The following FRAS1 variants were observed in gnomAD, a reference collection of about 807,000 sequenced individuals.
FRAS1 encodes the protein extracellular matrix organizing protein FRAS1.
In FRAS1, 290 loss-of-function variants were observed where a neutral mutation model predicts 435.2. The observed-to-expected ratio is 0.67, with a 90% CI of 0.61 to 0.73. The LOEUF (loss-of-function observed/expected upper bound fraction) is 0.73, where lower values mean the gene tolerates loss of function less well. Among genes scored for constraint, FRAS1 ranks in the 30% least tolerant of loss-of-function variants. FRAS1 has a pLI of 0.00. For synonymous variants in FRAS1, 1,800 were observed against 1,851.0 expected, an observed-to-expected ratio of 0.97 and a Z score of 0.71; for missense variants, 4,860 against 5,001.5, an observed-to-expected ratio of 0.97 and a Z score of 0.85.
chr4:78,312,566 C>G (rs1487126286), intron 15 of FRAS1, among the ~76,000 whole-genome samples: 2 of 151,938 alleles, frequency 1.3e-5, no homozygotes, highest in African/African-American at 4.8e-5. Flanking sequence ...TGGCTCACAC[C>G]TATAATCCCA....
At chr4:78,430,509 C>T (rs376070341) in intron 37 of FRAS1, 92 bp downstream of exon 37, 20 of 1,336,040 alleles carry the variant, frequency 1.5e-5, no homozygotes, top group African/African-American at 8.8e-5. Flanking sequence ...GAGAGCAAAG[C>T]GTCTTTGTGA....
chr4:78,444,368 A>G (rs2867068), intron 41 of FRAS1, among the ~76,000 whole-genome samples: 108,937 of 152,048 alleles, frequency 0.72, 39,276 homozygotes, highest in Non-Finnish European at 0.74. Flanking sequence ...TAAAATTTAA[A>G]AAAATTCATG....
chr4:78,241,876 A>G (rs1009908504), intron 3 of FRAS1, among the ~76,000 whole-genome samples: 3 of 152,156 alleles, frequency 2.0e-5, no homozygotes, highest in Non-Finnish European at 2.9e-5. Flanking sequence ...GTTGTCTAGA[A>G]TGATCTAGAC....
intron 29 of FRAS1, among the ~76,000 whole-genome samples, chr4:78,396,290 AT>A (rs1328412185): frequency 6.6e-6 from 1 of 152,202 alleles, no homozygotes; most frequent in Non-Finnish European, 1.5e-5. Context: ...TTACAGTGTT[AT>A]TCTCACTTTG....
In FRAS1 at chr4:78,481,981, C is replaced by T. The variant is rs752544132; in HGVS notation, c.8604+17C>T. ...ATTGAACAGGTGCGTTTACAGCAGTCGAGACTCCACAAAGTTGACAGGTCG... is the reference window on the plus strand; with the variant it reads ...ATTGAACAGGTGCGTTTACAGCAGTTGAGACTCCACAAAGTTGACAGGTCG... On this transcript the variant is annotated intron_variant, in intron 57 of 73. Coordinates refer to ENST00000512123, the MANE Select transcript of FRAS1 (RefSeq NM_025074.7). 18 of 1,608,070 alleles carry T rather than the reference C, an allele frequency of 1.1e-5. No individual in the cohort carries two copies. The highest frequency in any genetic ancestry group is 3.4e-5 in the Admixed American group (2 of 58,332).
intron 9 of FRAS1, among the ~76,000 whole-genome samples, chr4:78,269,983 T>C (rs1478870338): frequency 6.6e-6 from 1 of 152,122 alleles, no homozygotes; most frequent in Non-Finnish European, 1.5e-5. Flanking sequence ...CCAGTCTTAG[T>C]CGTTGGTCTG....
At chr4:78,194,851 A>T (rs1722727556) in intron 2 of FRAS1, among the ~76,000 whole-genome samples, 1 of 151,752 alleles carries the variant, frequency 6.6e-6, no homozygotes, top group Admixed American at 6.6e-5. Context: ...AGACACTCTG[A>T]TTTTTACGGT....
chr4:78,387,437 C>G lies in FRAS1; in HGVS notation c.3711C>G (p.Thr1237=). The part of the protein sequence containing the change: ...HISRGERATI[T]TQMLDIRDDD... ...GCAGAGGAGAGAGGGCAACCATCAC[C>G]ACCCAGATGCTTGACATCCGAGATG... is the stretch of plus-strand genomic sequence containing the variant. The change falls in exon 29 of 74, where the codon ACC becomes ACG. Residue 1237 remains threonine, a synonymous_variant. Coordinates refer to ENST00000512123, the MANE Select transcript of FRAS1 (RefSeq NM_025074.7). 1 of 1,613,748 alleles carries G rather than the reference C, an allele frequency of 6.2e-7. No individual in the cohort carries two copies. Among genetic ancestry groups the G allele is most frequent in the Non-Finnish European group, 8.5e-7 (1 of 1,179,756 alleles).
At chr4:78,377,755 G>C (rs1354405343) in intron 26 of FRAS1, among the ~76,000 whole-genome samples, 1 of 152,124 alleles carries the variant, frequency 6.6e-6, no homozygotes, top group African/African-American at 2.4e-5. Flanking sequence ...AGGTGCATCA[G>C]GATAGGACTG....
intron 40 of FRAS1, 91 bp downstream of exon 40, chr4:78,439,155 G>A: frequency 6.3e-6 from 7 of 1,110,576 alleles, no homozygotes; most frequent in Non-Finnish European, 9.0e-6. Context: ...TAAATTGGCT[G>A]CCAAATATTT....
At chr4:78,227,526 TG>T (rs1180790214) in intron 2 of FRAS1, among the ~76,000 whole-genome samples, 2 of 152,248 alleles carry the variant, frequency 1.3e-5, no homozygotes, top group African/African-American at 2.4e-5. Context: ...TAGTAGGATG[TG>T]GCTTTACCTA....
chr4:78,203,176 CT>C (rs1219379143), intron 2 of FRAS1, among the ~76,000 whole-genome samples: 14 of 152,256 alleles, frequency 9.2e-5, no homozygotes, highest in African/African-American at 3.1e-4. Flanking sequence ...AGTGCTTCTT[CT>C]GTAGCTATTG....
chr4:78,198,139 T>C (rs962425063), intron 2 of FRAS1, among the ~76,000 whole-genome samples: 9 of 152,188 alleles, frequency 5.9e-5, no homozygotes, highest in Admixed American at 2.6e-4. Context: ...GGCGGCCTCT[T>C]TTCACTTTCA....
At chr4:78,060,064 T>TAATG (rs895626245) in intron 1 of FRAS1, among the ~76,000 whole-genome samples, 14 of 152,278 alleles carry the variant, frequency 9.2e-5, no homozygotes, top group Admixed American at 2.0e-4. Flanking sequence ...GCTTATCTAA[T>TAATG]AATGAATGAA....
intron 2 of FRAS1, among the ~76,000 whole-genome samples, chr4:78,174,053 G>C (rs754720533): frequency 6.6e-6 from 1 of 152,158 alleles, no homozygotes; most frequent in Non-Finnish European, 1.5e-5. Context: ...TGTCTCCCGT[G>C]TTTCAACTGA....
At chr4:78,319,809 A>G (rs1478915363) in intron 18 of FRAS1, among the ~76,000 whole-genome samples, 1 of 152,232 alleles carries the variant, frequency 6.6e-6, no homozygotes, top group Non-Finnish European at 1.5e-5. Flanking sequence ...CTCCAATTCA[A>G]TATACCCTCC....
chr4:78,180,070 C>G (rs1322522516), intron 2 of FRAS1, among the ~76,000 whole-genome samples: 1 of 152,180 alleles, frequency 6.6e-6, no homozygotes, highest in Non-Finnish European at 1.5e-5. Flanking sequence ...GGTTCCTAGT[C>G]TAGTGGAAGA....
At chr4:78,265,165 C>T in intron 7 of FRAS1, 57 bp downstream of exon 7, 1 of 1,099,244 alleles carries the variant, frequency 9.1e-7, no homozygotes, top group Non-Finnish European at 1.3e-6. Context: ...CACATCTGCC[C>T]TCCACCCACT....
intron 2 of FRAS1, among the ~76,000 whole-genome samples, chr4:78,199,460 A>C (rs1243025042): frequency 6.6e-6 from 1 of 152,166 alleles, no homozygotes; most frequent in East Asian, 1.9e-4. Context: ...GAAAGAAATG[A>C]ATTCTTTGGG....
Sources: allele counts gnomAD v4.1 joint callset (sites outside exome capture counted in the v4.1 genomes callset), GRCh38; gene constraint gnomAD v4.1.1; transcripts MANE v1.5; gene names NCBI Gene and HGNC (gene_info 2026-07-23, HGNC 2026-07-21).